Variants in SUMF1 observed in about 807,000 individuals in gnomAD.
SUMF1 encodes the protein formylglycine-generating enzyme.
Under a neutral mutation model 47.6 loss-of-function variants are expected in SUMF1, and 48 were observed. The observed-to-expected ratio is 1.01, with a 90% CI of 0.80 to 1.28. The LOEUF (loss-of-function observed/expected upper bound fraction) is 1.28. SUMF1 is among the 50% of genes most tolerant of loss of function. The pLI is 0.00. For missense variants in SUMF1, 571 were observed against 485.4 expected, an observed-to-expected ratio of 1.18 and a Z score of -1.66; for synonymous variants, 230 against 192.1, an observed-to-expected ratio of 1.20 and a Z score of -1.63.
chr3:4,105,138 C>G (rs969287993), intron 8 of SUMF1, among the ~76,000 whole-genome samples: 7 of 152,070 alleles, frequency 4.6e-5, no homozygotes, highest in African/African-American at 1.4e-4. Context: ...GACAGAAAGG[C>G]AAATACTGCA....
chr3:4,252,668 T>C (rs565501202), intron 8 of SUMF1, among the ~76,000 whole-genome samples: 1 of 152,262 alleles, frequency 6.6e-6, no homozygotes, highest in South Asian at 2.1e-4. Context: ...ATCAAACCAC[T>C]TTCTTCCCAA....
intron 7 of SUMF1, among the ~76,000 whole-genome samples, chr3:4,389,799 A>C (rs1165970572): frequency 6.6e-6 from 1 of 152,118 alleles, no homozygotes; most frequent in Non-Finnish European, 1.5e-5. Context: ...TTCAGTTCTA[A>C]AATTTGCATT....
downstream of SUMF1, among the ~76,000 whole-genome samples, chr3:4,357,941 C>A (rs1699658705): frequency 6.6e-6 from 1 of 152,034 alleles, no homozygotes; most frequent in Non-Finnish European, 1.5e-5. Flanking sequence ...ATGGTAGCTT[C>A]CATTTCTTTT....
At chr3:4,061,769 C>T (rs1359189206) in intron 9 of SUMF1, among the ~76,000 whole-genome samples, 2 of 152,096 alleles carry the variant, frequency 1.3e-5, no homozygotes, top group Non-Finnish European at 2.9e-5. Flanking sequence ...CAGCCTGTGA[C>T]AGGCTAAAAC....
At chr3:4,131,708 A>T (rs1418368090) in intron 8 of SUMF1, among the ~76,000 whole-genome samples, 3 of 152,188 alleles carry the variant, frequency 2.0e-5, no homozygotes, top group Admixed American at 6.5e-5. Flanking sequence ...AGGTACGTGG[A>T]TGAACCTCTC....
chr3:4,428,687 C>T (rs1279024976), intron 3 of SUMF1, among the ~76,000 whole-genome samples: 7 of 146,750 alleles, frequency 4.8e-5, no homozygotes, highest in East Asian at 4.1e-4. Flanking sequence ...ACGTCTACAG[C>T]GAACATATTT....
intron 8 of SUMF1, among the ~76,000 whole-genome samples, chr3:4,263,990 T>C (rs1046706139): frequency 1.3e-5 from 2 of 152,176 alleles, no homozygotes; most frequent in African/African-American, 4.8e-5. Context: ...TAATAGCAAA[T>C]CTTTACTATT....
intron 2 of SUMF1, among the ~76,000 whole-genome samples, chr3:4,449,670 G>A (rs924370220): frequency 6.6e-5 from 10 of 152,214 alleles, no homozygotes; most frequent in East Asian, 1.9e-4. Context: ...TATTCTGTAC[G>A]TGTGAGATTA....
At chr3:4,457,094 AT>A (rs1294538155) in intron 1 of SUMF1, among the ~76,000 whole-genome samples, 43 of 137,602 alleles carry the variant, frequency 3.1e-4, no homozygotes, top group East Asian at 1.8e-3. Flanking sequence ...ATATATATAT[AT>A]TTTTTTTGTT....
chr3:4,357,552 C>T (rs945489582), downstream of SUMF1, among the ~76,000 whole-genome samples: 24 of 151,684 alleles, frequency 1.6e-4, 1 homozygote, highest in Non-Finnish European at 1.0e-4. Context: ...GCCACCACCC[C>T]CACCACACCC....
At chr3:4,069,110 G>A (rs1695452527) in intron 8 of SUMF1, among the ~76,000 whole-genome samples, 1 of 152,198 alleles carries the variant, frequency 6.6e-6, no homozygotes, top group Non-Finnish European at 1.5e-5. Flanking sequence ...TGGAGCCATT[G>A]TTATGACACT....
intron 8 of SUMF1, among the ~76,000 whole-genome samples, chr3:4,327,240 T>C (rs1483194551): frequency 6.6e-6 from 1 of 152,184 alleles, no homozygotes; most frequent in Admixed American, 6.5e-5. Flanking sequence ...CTCATTCCAT[T>C]TGATTGGGGT....
chr3:4,243,660 G>T (rs914546771), intron 8 of SUMF1, among the ~76,000 whole-genome samples: 1 of 152,148 alleles, frequency 6.6e-6, no homozygotes, highest in African/African-American at 2.4e-5. Context: ...TTTTACATTT[G>T]CTGAGGAGTG....
intron 8 of SUMF1, among the ~76,000 whole-genome samples, chr3:4,177,856 G>T (rs1002573958): frequency 6.6e-6 from 1 of 152,060 alleles, no homozygotes; most frequent in African/African-American, 2.4e-5. Flanking sequence ...TGATAAAGGA[G>T]ATATCACCAC....
rs774739457 is a variant in SUMF1 at position 4,467,069 on chromosome 3, G to T, written c.177C>A (p.Gly59=). 6.4e-7 allele frequency: 1 copy of T among 1,565,298 alleles called. No individual in the cohort carries two copies. Among genetic ancestry groups the T allele is most frequent in the South Asian group, 1.2e-5 (1 of 85,902 alleles). Residue 59 remains glycine (G), a synonymous_variant, in exon 1 of 9, where the codon GGC becomes GGA. Coordinates refer to ENST00000272902, the MANE Select transcript of SUMF1 (RefSeq NM_182760.4). ...GAGCGGCTGCCGAACTGCCATGGGC[G>T]CCAGGCCGCTGGGGCGTGCCGCAGC... The part of the protein sequence containing the change: ...SCGCGTPQRP[G]AHGSSAAAHR...
At chr3:4,345,693 T>G (rs1402486870) in intron 8 of SUMF1, among the ~76,000 whole-genome samples, 2 of 152,042 alleles carry the variant, frequency 1.3e-5, no homozygotes, top group African/African-American at 4.8e-5. Flanking sequence ...AATACTAACC[T>G]TAAATATAAA....
intron 8 of SUMF1, among the ~76,000 whole-genome samples, chr3:4,349,528 C>G (rs189944343): frequency 8.5e-5 from 13 of 152,256 alleles, no homozygotes; most frequent in Admixed American, 4.6e-4. Context: ...TAAAGACACA[C>G]GCACATGTAT....
chr3:4,256,841 C>T (rs1696965795), intron 8 of SUMF1, among the ~76,000 whole-genome samples: 1 of 144,456 alleles, frequency 6.9e-6, no homozygotes, highest in Admixed American at 6.9e-5. Context: ...CCTTGATGAA[C>T]ATTGATGCAA....
rs529427723 is a variant in SUMF1 at position 4,038,024 on chromosome 3, C to T, written c.1191+30545G>A. Among the ~76,000 whole-genome samples the T allele has an allele frequency of 5.9e-5, 9 of 152,232 alleles. 1 individual carries two copies. In the South Asian group the frequency reaches 8.3e-4, roughly 14 times the overall value. ...GGTTCTTGCTCAGTTGCTGTGTTCT[C>T]GGTCAATGATCTGAAAGTGTGAGTT... On this transcript the variant is annotated intron_variant and NMD_transcript_variant, in intron 9 of 12. Transcript: ENST00000448413.
Sources: gnomAD v4.1 joint callset for allele counts (sites outside exome capture counted in the v4.1 genomes callset) on GRCh38, gnomAD v4.1.1 for gene constraint, MANE v1.5 for transcripts, NCBI Gene and HGNC (gene_info 2026-07-23, HGNC 2026-07-21) for gene names.